CCNT1: variants seen among roughly 807,000 people sequenced by gnomAD.
The protein encoded by CCNT1 is cyclin-T1.
CCNT1 carries 18 observed loss-of-function variants against 67.3 expected under a neutral mutation model. That is an observed-to-expected ratio of 0.27 (90% confidence interval 0.18 to 0.40). The LOEUF (loss-of-function observed/expected upper bound fraction) is 0.40. Among genes scored for constraint, CCNT1 ranks in the 10% least tolerant of loss-of-function variants. The pLI is 1.00. For missense variants in CCNT1, 744 were observed against 884.9 expected (o/e 0.84, Z 2.02); for synonymous variants, 333 against 310.3 (o/e 1.07, Z -0.77).
intron 6 of CCNT1, among the ~76,000 whole-genome samples, chr12:48,697,019 A>T (rs1254697978): frequency 6.6e-6 from 1 of 152,040 alleles, no homozygotes; most frequent in Non-Finnish European, 1.5e-5. Context: ...TTTTTAGTAA[A>T]GATGTGGTTT....
In CCNT1 at chr12:48,693,829, A is replaced by G; in HGVS notation, c.1385T>C (p.Met462Thr). 1 of 1,614,018 alleles carries G rather than the reference A, an allele frequency of 6.2e-7. No individual in the cohort carries two copies. The highest frequency in any genetic ancestry group is 1.1e-5 in the South Asian group (1 of 91,078). ...ATCTCCACCTGCCACTGGGATTCTC[A>G]TTTTGAGAGCTGTTTTGTCAGCCTT... The part of the protein sequence containing the change: ...LEKADKTALK[M>T]RIPVAGGDKA... The change falls in exon 9 of 9, where the codon ATG becomes ACG. Residue 462 changes from methionine (M) to threonine (T), a missense_variant. Physicochemically the swap from Met to Thr is moderately conservative, Grantham distance 81. Around this residue, in one of 3 missense-constraint regions of CCNT1, gnomAD observed 564 missense variants for 574.2 expected, o/e 0.98. Coordinates refer to ENST00000261900, the MANE Select transcript of CCNT1 (RefSeq NM_001240.4).
intron 2 of CCNT1, among the ~76,000 whole-genome samples, chr12:48,713,861 C>T (rs1940494112): frequency 6.6e-6 from 1 of 152,076 alleles, no homozygotes; most frequent in Non-Finnish European, 1.5e-5. Context: ...TCCTCCAACC[C>T]CAAAATGTTG....
intron 6 of CCNT1, among the ~76,000 whole-genome samples, chr12:48,696,722 G>GT (rs754920005): frequency 1.1e-4 from 17 of 151,978 alleles, no homozygotes; most frequent in East Asian, 3.8e-4. Context: ...AAACTTTTTC[G>GT]TAACAGGCTA....
chr12:48,692,978 A>C lies in CCNT1; in HGVS notation c.*55T>G. 3 of 1,175,176 alleles carry C rather than the reference A, an allele frequency of 2.6e-6. No homozygotes were observed. Among genetic ancestry groups the C allele is most frequent in the Non-Finnish European group, 3.5e-6 (3 of 848,886 alleles). The allele number at this position is 1,175,176 out of a possible 1,614,324, so 72.8% of individuals were successfully genotyped here. Reference sequence around the variant, plus strand: ...AATTTTCTTAGTCCAAAAAAAAAAAAGAAAAATTATGTGTTTTTTTAAAGA... The same window carrying C: ...AATTTTCTTAGTCCAAAAAAAAAAACGAAAAATTATGTGTTTTTTTAAAGA... On this transcript the variant is annotated 3_prime_UTR_variant, in exon 9 of 9. Coordinates refer to ENST00000261900, the MANE Select transcript of CCNT1 (RefSeq NM_001240.4).
In CCNT1 at chr12:48,693,764, T is replaced by G. The variant is rs1304809160; in HGVS notation, c.1450A>C (p.Ile484Leu). Residue 484 changes from isoleucine to leucine, a missense_variant, in exon 9 of 9, where the codon ATA (isoleucine) becomes CTA (leucine). By Grantham distance (5) the Ile-to-Leu change is conservative. Coordinates refer to ENST00000261900, the MANE Select transcript of CCNT1 (RefSeq NM_001240.4). ...TTATCAGCTGCAGCATGGACTTTTA[T>G]GCGCATTTTTATCTCCTCTGGTTTT... ...SSKPEEIKMR[I>L]KVHAAADKHN... The G allele has an allele frequency of 1.2e-6, 2 of 1,614,188 alleles. No individual in the cohort carries two copies. Among genetic ancestry groups the G allele is most frequent in the South Asian group, 2.2e-5 (2 of 91,078 alleles).
chr12:48,707,023 G>T (rs958250936), intron 2 of CCNT1, among the ~76,000 whole-genome samples: 2 of 152,172 alleles, frequency 1.3e-5, no homozygotes, highest in Admixed American at 6.6e-5. Context: ...GGGCAACATA[G>T]TGAGAGAGAC....
chr12:48,701,016 A>C lies in CCNT1; in HGVS notation c.430T>G (p.Leu144Val), dbSNP rs754220349. The C allele has an allele frequency of 6.4e-7, 1 of 1,555,794 alleles. No homozygotes were observed. Among genetic ancestry groups the C allele is most frequent in the South Asian group, 1.2e-5 (1 of 84,618 alleles). Residue 144 changes from leucine to valine, a missense_variant, in exon 4 of 9, where the codon TTA (leucine) becomes GTA (valine). By Grantham distance (32) the Leu-to-Val change is conservative (BLOSUM62 1). Transcript: ENST00000261900. ...VILESIILQTLGFELTIDHPH... is the reference protein window; with the variant it reads ...VILESIILQTVGFELTIDHPH... ...TTTCAAAGGAAAATAAACTTACCTA[A>C]AGTCTGCAAAATTATGCTTTCTAAA...
intron 2 of CCNT1, among the ~76,000 whole-genome samples, chr12:48,710,296 T>C (rs7979319): frequency 1.3e-5 from 2 of 152,304 alleles, no homozygotes; most frequent in South Asian, 2.1e-4. Context: ...TTAGGCCACA[T>C]TTAATGTATT....
chr12:48,705,027 A>G (rs1940333345), intron 3 of CCNT1, among the ~76,000 whole-genome samples: 1 of 152,196 alleles, frequency 6.6e-6, no homozygotes, highest in Non-Finnish European at 1.5e-5. Flanking sequence ...GTCTGGGACC[A>G]TTGGTCTAGA....
At chr12:48,705,648 A>C in intron 3 of CCNT1, 120 bp downstream of exon 3, 1 of 791,448 alleles carries the variant, frequency 1.3e-6, no homozygotes, top group Non-Finnish European at 2.0e-6. Flanking sequence ...AACTTCAATA[A>C]ATCGAAGTTA....
rs150049952 is a variant in CCNT1 at position 48,707,408 on chromosome 12, A to C, written c.244-1512T>G. 2.0e-4 allele frequency among the ~76,000 whole-genome samples: 30 copies of C among 151,542 alleles called. No individual in the cohort carries two copies. The East Asian group carries it at 5.9e-3, about 30-fold the overall frequency. ...GGAGATATTCCCATCTCAGCCTTCG[A>C]AGTAGCTGGGATCACAGGCACACGC... On this transcript the variant is annotated intron_variant, in intron 2 of 8. Transcript: ENST00000261900.
rs1401378444 is a variant in CCNT1 at position 48,705,751 on chromosome 12, TG to T, written c.372+16del. On this transcript the variant is annotated intron_variant, in intron 3 of 8. Transcript: ENST00000261900. The stretch of plus-strand genomic sequence containing the variant: ...GGAAAAAAATTAAGAAAAACAGATG[TG>T]TAATTAATCTCCTACCTCACTTCTA... The T allele has an allele frequency of 6.3e-7, 1 of 1,593,470 alleles. No homozygotes were observed. Among genetic ancestry groups the T allele is most frequent in the African/African-American group, 1.4e-5 (1 of 73,790 alleles).
intron 2 of CCNT1, 35 bp from the exon 3 acceptor site, chr12:48,705,931 A>C (rs1285043719): frequency 6.3e-7 from 1 of 1,589,298 alleles, no homozygotes; most frequent in Non-Finnish European, 8.6e-7. Context: ...ATTTATTATC[A>C]ATTTATTCAT....
Position 48,699,766 on chromosome 12 carries a change from G to A in CCNT1, c.496+12C>T, listed in dbSNP as rs1192363355. The A allele has an allele frequency of 1.3e-6, 2 of 1,585,298 alleles. No homozygotes were observed. Among genetic ancestry groups the A allele is most frequent in the Admixed American group, 3.4e-5 (2 of 59,192 alleles). ...CAGCTTGAGATAGTCTTCATAAGCT[G>A]GGATTCCTTACCTCGAACAAGTTGA... is the stretch of plus-strand genomic sequence containing the variant. On this transcript the variant is annotated intron_variant, in intron 5 of 8. Coordinates refer to ENST00000261900, the MANE Select transcript of CCNT1 (RefSeq NM_001240.4).
At chr12:48,709,081 T>C (rs1297492871) in intron 2 of CCNT1, among the ~76,000 whole-genome samples, 18 of 151,996 alleles carry the variant, frequency 1.2e-4, no homozygotes, top group Non-Finnish European at 1.5e-5. Flanking sequence ...AAACCTATCT[T>C]GGGGTTGGGG....
At position 48,692,949 on chromosome 12, in the gene CCNT1, A is replaced by G; in HGVS notation, c.*84T>C. On this transcript the variant is annotated 3_prime_UTR_variant, in exon 9 of 9. Transcript: ENST00000261900. ...CTAGTCCAAGGATGACATATTTCAT[A>G]AGTAATTTTCTTAGTCCAAAAAAAA... The G allele has an allele frequency of 1.2e-6, 1 of 841,808 alleles. No individual in the cohort carries two copies. Among genetic ancestry groups the G allele is most frequent in the Admixed American group, 2.9e-5 (1 of 34,552 alleles). The allele number at this position is 841,808 out of a possible 1,614,324, so 52.1% of individuals were successfully genotyped here. A position where few individuals can be genotyped will look rare whatever the true frequency, so the allele number is the denominator to read the frequency against.
At chr12:48,711,770 C>G (rs1184387693) in intron 2 of CCNT1, among the ~76,000 whole-genome samples, 1 of 152,112 alleles carries the variant, frequency 6.6e-6, no homozygotes, top group Non-Finnish European at 1.5e-5. Context: ...AGAAAGCCAA[C>G]CTGGGTGGAT....
intron 1 of CCNT1, among the ~76,000 whole-genome samples, chr12:48,715,136 T>TA (rs1352527081): frequency 4.6e-5 from 7 of 152,048 alleles, no homozygotes; most frequent in African/African-American, 1.7e-4. Context: ...ACAACACACA[T>TA]ACAAAAAGGA....
At chr12:48,715,255 G>A (rs1168724244) in intron 1 of CCNT1, among the ~76,000 whole-genome samples, 1 of 152,116 alleles carries the variant, frequency 6.6e-6, no homozygotes, top group Non-Finnish European at 1.5e-5. Flanking sequence ...ACAAACTGGC[G>A]ATAAAACAGA....
Sources: allele counts gnomAD v4.1 joint callset (sites outside exome capture counted in the v4.1 genomes callset), GRCh38; gene constraint gnomAD v4.1.1; regional missense constraint gnomAD v4.1.1; transcripts MANE v1.5; gene names NCBI Gene and HGNC (gene_info 2026-07-23, HGNC 2026-07-21).